Variants in FAM227B observed in about 807,000 individuals in gnomAD.
FAM227B encodes protein FAM227B.
In FAM227B, 88 loss-of-function variants were observed where a neutral mutation model predicts 73.8. That is an observed-to-expected ratio of 1.19 (90% CI 1.00 to 1.42). FAM227B has a LOEUF of 1.42. Ranked by LOEUF, FAM227B falls within the 40% of genes most tolerant of loss-of-function variation. The pLI, the probability that FAM227B is intolerant of heterozygous loss-of-function variation, is 0.00. For synonymous variants in FAM227B, 210 were observed against 190.5 expected (o/e 1.10, Z -0.84); for missense variants, 632 against 590.9 (o/e 1.07, Z -0.72).
intron 11 of FAM227B, among the ~76,000 whole-genome samples, chr15:49,403,141 G>T (rs927359646): frequency 6.6e-6 from 1 of 152,122 alleles, no homozygotes; most frequent in Admixed American, 6.5e-5. Flanking sequence ...ACTTGATCAT[G>T]GTGGATAAGC....
chr15:49,371,197 G>T, intron 12 of FAM227B, 105 bp downstream of exon 12: 1 of 536,992 alleles, frequency 1.9e-6, no homozygotes. Context: ...AAAATATATG[G>T]TAAGAATGTA....
chr15:49,380,390 T>C (rs886432940), intron 11 of FAM227B, among the ~76,000 whole-genome samples: 1 of 152,152 alleles, frequency 6.6e-6, no homozygotes, highest in Non-Finnish European at 1.5e-5. Context: ...GCTTTGCTGG[T>C]ACCTAAGGTG....
At chr15:49,547,970 T>C (rs2072196211) in intron 9 of FAM227B, among the ~76,000 whole-genome samples, 1 of 152,182 alleles carries the variant, frequency 6.6e-6, no homozygotes, top group Non-Finnish European at 1.5e-5. Flanking sequence ...CTAGAACAAA[T>C]GGACTTAACA....
chr15:49,532,909 T>A (rs1202057737), intron 10 of FAM227B, among the ~76,000 whole-genome samples: 1 of 151,952 alleles, frequency 6.6e-6, no homozygotes, highest in Non-Finnish European at 1.5e-5. Context: ...TTTCATATTT[T>A]AATTGGCTAG....
intron 11 of FAM227B, among the ~76,000 whole-genome samples, chr15:49,453,585 G>A (rs374979591): frequency 4.7e-4 from 71 of 152,198 alleles, no homozygotes; most frequent in African/African-American, 1.7e-3. Context: ...CCATGTAACC[G>A]TCAGGGACCA....
chr15:49,407,149 CT>C (rs1456274225), intron 11 of FAM227B, among the ~76,000 whole-genome samples: 1 of 152,212 alleles, frequency 6.6e-6, no homozygotes, highest in African/African-American at 2.4e-5. Context: ...TACACATGCT[CT>C]CATGCCAAAC....
At chr15:49,365,388 AAGAACC>A in intron 13 of FAM227B, 2 of 1,197,818 alleles carry the variant, frequency 1.7e-6, no homozygotes, top group Non-Finnish European at 2.5e-6. Context: ...TATATATACG[AAGAACC>A]AGTCTAAACA....
chr15:49,477,972 T>C (rs541710639), intron 11 of FAM227B, among the ~76,000 whole-genome samples: 1 of 152,316 alleles, frequency 6.6e-6, no homozygotes, highest in African/African-American at 2.4e-5. Flanking sequence ...GCAGGTCTGT[T>C]ACCTGGGTAT....
Position 49,510,737 on chromosome 15 carries a change from T to G in FAM227B, c.875-2389A>C, listed in dbSNP as rs147727520. Among the ~76,000 whole-genome samples the G allele has an allele frequency of 3.6e-4, 55 of 152,068 alleles. 1 individual carries two copies. The East Asian group carries it at 7.5e-3, about 21-fold the overall frequency. On this transcript the variant is annotated intron_variant, in intron 10 of 15. Transcript: ENST00000299338. ...ATTAATTTACGCCTTATTTTGGTGGTTTTTTTTCTCCAATAACTTGATGAG... is the reference window on the plus strand; with the variant it reads ...ATTAATTTACGCCTTATTTTGGTGGGTTTTTTTCTCCAATAACTTGATGAG...
At chr15:49,478,293 T>C (rs1231023728) in intron 11 of FAM227B, among the ~76,000 whole-genome samples, 3 of 152,180 alleles carry the variant, frequency 2.0e-5, no homozygotes, top group African/African-American at 7.2e-5. Flanking sequence ...CCTTTGTGTA[T>C]CTTTAGTGAG....
At chr15:49,368,411 G>T (rs1002761011) in intron 12 of FAM227B, among the ~76,000 whole-genome samples, 17 of 152,068 alleles carry the variant, frequency 1.1e-4, no homozygotes, top group African/African-American at 3.6e-4. Context: ...GATACAAAAA[G>T]TTCTCTTGAA....
chr15:49,565,701 C>T (rs753857), intron 9 of FAM227B, among the ~76,000 whole-genome samples: 68,779 of 151,876 alleles, frequency 0.45, 16,168 homozygotes, highest in East Asian at 0.74. Context: ...TGTTACCTTA[C>T]AAGGCAAAAG....
rs2056833563 is a variant in FAM227B, at chr15:49,489,843, A to ATATATATATAT, written c.1012+18357_1012+18367dup. 2.3e-3 allele frequency among the ~76,000 whole-genome samples: 34 copies of ATATATATATAT among 14,478 alleles called. 2 individuals are homozygous for ATATATATATAT. Among genetic ancestry groups the ATATATATATAT allele is most frequent in the South Asian group, 3.8e-3 (1 of 260 alleles). 9.5% of individuals were successfully genotyped at this position (14,478 alleles called of 152,430 possible). On this transcript the variant is annotated intron_variant, in intron 11 of 15. Coordinates refer to ENST00000299338, the MANE Select transcript of FAM227B (RefSeq NM_152647.3). ...TATTTTATATATATATATATATTTT[A>ATATATATATAT]TATATATATATATATTTTATATATA...
intron 10 of FAM227B, among the ~76,000 whole-genome samples, chr15:49,540,408 G>T (rs1012542537): frequency 6.6e-5 from 10 of 152,128 alleles, no homozygotes; most frequent in African/African-American, 2.2e-4. Context: ...GCAATTATTG[G>T]TTTTTGCTGT....
At chr15:49,603,468 T>G (rs2077329385) in intron 3 of FAM227B, among the ~76,000 whole-genome samples, 1 of 152,186 alleles carries the variant, frequency 6.6e-6, no homozygotes, top group Admixed American at 6.5e-5. Flanking sequence ...TGCTGATTTT[T>G]GTATGTTGTT....
intron 11 of FAM227B, among the ~76,000 whole-genome samples, chr15:49,472,758 C>A (rs2054892878): frequency 6.6e-6 from 1 of 151,828 alleles, no homozygotes; most frequent in African/African-American, 2.4e-5. Flanking sequence ...AAGAAAAGGG[C>A]TAGAATCAAA....
At chr15:49,552,257 T>C (rs1167327075) in intron 9 of FAM227B, among the ~76,000 whole-genome samples, 1 of 152,236 alleles carries the variant, frequency 6.6e-6, no homozygotes, top group East Asian at 1.9e-4. Context: ...CCAGATATAC[T>C]ACTTTGGGTA....
chr15:49,539,508 G>A (rs2070756870), intron 10 of FAM227B, among the ~76,000 whole-genome samples: 1 of 152,216 alleles, frequency 6.6e-6, no homozygotes. Context: ...GTCTGGGGCA[G>A]TAGGGACATT....
At chr15:49,475,133 C>T (rs1326510878) in intron 11 of FAM227B, among the ~76,000 whole-genome samples, 1 of 151,828 alleles carries the variant, frequency 6.6e-6, no homozygotes, top group Admixed American at 6.6e-5. Context: ...ATTTTTTCAC[C>T]CTGCACTCCG....
Sources: gnomAD v4.1 joint callset for allele counts (sites outside exome capture counted in the v4.1 genomes callset) on GRCh38, gnomAD v4.1.1 for gene constraint, MANE v1.5 for transcripts, NCBI Gene and HGNC (gene_info 2026-07-23, HGNC 2026-07-21) for gene names.